The following DPP10 variants were observed in gnomAD, a reference collection of about 807,000 sequenced individuals.
DPP10 encodes inactive dipeptidyl peptidase 10.
Under a neutral mutation model 120.9 loss-of-function variants are expected in DPP10, and 33 were observed. The observed-to-expected ratio is 0.27, with a 90% confidence interval of 0.21 to 0.37. The LOEUF is 0.37. Ranked by LOEUF, DPP10 falls within the 10% of genes least tolerant of loss-of-function variation. The probability of loss-of-function intolerance (pLI) is 1.00; values close to 1 mark genes in which losing one functional copy is unlikely to be tolerated. For missense variants in DPP10, 816 were observed against 942.8 expected (o/e 0.87, Z 1.76); for synonymous variants, 337 against 326.1 (o/e 1.03, Z -0.36).
intron 3 of DPP10, among the ~76,000 whole-genome samples, chr2:115,481,770 A>G (rs1411225453): frequency 6.6e-6 from 1 of 152,052 alleles, no homozygotes; most frequent in African/African-American, 2.4e-5. Context: ...ACTATGTATC[A>G]TTATTTCATT....
intron 1 of DPP10, among the ~76,000 whole-genome samples, chr2:114,974,850 A>G (rs1258382460): frequency 2.0e-5 from 3 of 152,144 alleles, no homozygotes; most frequent in Admixed American, 2.0e-4. Context: ...TAAGTGATGC[A>G]TAACTGTAAA....
intron 1 of DPP10, among the ~76,000 whole-genome samples, chr2:114,445,590 A>C (rs985450795): frequency 6.8e-6 from 1 of 147,852 alleles, no homozygotes; most frequent in African/African-American, 2.5e-5. Context: ...GTTCTCCTCC[A>C]CTTGAAGTTC....
rs75558854 is a variant in DPP10 at position 115,199,425 on chromosome 2, T to C, written c.61-109814T>C. On this transcript the variant is annotated intron_variant, in intron 1 of 25. Coordinates refer to ENST00000410059, the MANE Select transcript of DPP10 (RefSeq NM_020868.6). ...GCTTTTAAGCACTCGGCATGAAATA[T>C]ATATTTCAAATAACTATTAAGTTGT... 1.4e-4 allele frequency among the ~76,000 whole-genome samples: 22 copies of C among 152,242 alleles called. No homozygotes were observed. In the East Asian group the frequency reaches 4.1e-3, roughly 28 times the overall value.
chr2:114,605,808 A>G (rs1230189734), intron 1 of DPP10, among the ~76,000 whole-genome samples: 1 of 152,176 alleles, frequency 6.6e-6, no homozygotes, highest in East Asian at 1.9e-4. Flanking sequence ...GTAGCAAGTA[A>G]GGAACAGACT....
intron 1 of DPP10, among the ~76,000 whole-genome samples, chr2:114,706,437 G>A (rs1018621716): frequency 2.6e-5 from 4 of 152,148 alleles, no homozygotes; most frequent in African/African-American, 9.7e-5. Context: ...GACTCTAAAG[G>A]AGAATATATT....
intron 1 of DPP10, among the ~76,000 whole-genome samples, chr2:114,680,647 A>G (rs556433658): frequency 6.6e-6 from 1 of 152,154 alleles, no homozygotes; most frequent in East Asian, 1.9e-4. Context: ...ATTCTTCATA[A>G]GTGTAAAGTA....
At chr2:115,274,885 T>C (rs1232497488) in intron 1 of DPP10, among the ~76,000 whole-genome samples, 2 of 152,132 alleles carry the variant, frequency 1.3e-5, no homozygotes, top group Non-Finnish European at 2.9e-5. Context: ...AGAACTAGCA[T>C]AGTGTGGTTT....
chr2:114,656,895 C>G (rs1242062101), intron 1 of DPP10, among the ~76,000 whole-genome samples: 1 of 151,798 alleles, frequency 6.6e-6, no homozygotes, highest in Admixed American at 6.6e-5. Flanking sequence ...CCTAAGTGGT[C>G]AAACCAAGTT....
chr2:114,761,823 G>A (rs1001251479), intron 1 of DPP10, among the ~76,000 whole-genome samples: 3 of 152,016 alleles, frequency 2.0e-5, no homozygotes, highest in African/African-American at 7.3e-5. Context: ...CCTCCTCCTA[G>A]GAATTCCAAA....
At chr2:115,508,612 A>T (rs553659449) in intron 4 of DPP10, among the ~76,000 whole-genome samples, 1 of 152,294 alleles carries the variant, frequency 6.6e-6, no homozygotes, top group Non-Finnish European at 1.5e-5. Flanking sequence ...TTTCCTAAAG[A>T]AATGAAGATG....
chr2:114,716,096 A>G (rs1370549874), intron 1 of DPP10, among the ~76,000 whole-genome samples: 2 of 152,058 alleles, frequency 1.3e-5, no homozygotes, highest in Non-Finnish European at 2.9e-5. Context: ...TTAGAAAATC[A>G]GTCAATCAGC....
rs2069470187 is a variant in DPP10 at position 115,416,743 on chromosome 2, T to A, written c.271+72831T>A. Reference sequence around the variant, plus strand: ...GACAAGCATTTCGCTGGTTCTGATCTCACAAGAGATAAACATAAGAAACCA... The same window carrying A: ...GACAAGCATTTCGCTGGTTCTGATCACACAAGAGATAAACATAAGAAACCA... On this transcript the variant is annotated intron_variant, in intron 3 of 25. Coordinates refer to ENST00000410059, the MANE Select transcript of DPP10 (RefSeq NM_020868.6). Among the ~76,000 whole-genome samples, 4 of 152,294 alleles carry A rather than the reference T, an allele frequency of 2.6e-5. No individual in the cohort carries two copies. In the South Asian group the frequency reaches 8.3e-4, roughly 32 times the overall value.
intron 1 of DPP10, among the ~76,000 whole-genome samples, chr2:114,521,983 AT>A (rs35338330): frequency 0.62 from 55,429 of 88,900 alleles, 14,801 homozygotes; most frequent in Middle Eastern, 0.72. Flanking sequence ...AATTTTTTGT[AT>A]TTTTTTTTTT....
intron 5 of DPP10, among the ~76,000 whole-genome samples, chr2:115,646,236 G>A (rs2087244966): frequency 6.6e-6 from 1 of 152,138 alleles, no homozygotes; most frequent in Admixed American, 6.6e-5. Context: ...ACCTGGCAGT[G>A]ATGGAGATCA....
intron 4 of DPP10, 134 bp downstream of exon 4, chr2:115,499,738 A>T (rs559609621): frequency 3.9e-6 from 2 of 518,960 alleles, no homozygotes; most frequent in East Asian, 6.6e-5. Flanking sequence ...CTGGAATATC[A>T]TAAGAATCAG....
intron 1 of DPP10, among the ~76,000 whole-genome samples, chr2:114,949,175 G>T (rs1235671338): frequency 6.6e-6 from 1 of 151,866 alleles, no homozygotes; most frequent in Non-Finnish European, 1.5e-5. Context: ...CACCCGCCTC[G>T]GCCTCCCAAA....
intron 1 of DPP10, among the ~76,000 whole-genome samples, chr2:114,790,277 C>T (rs996937440): frequency 1.1e-4 from 16 of 152,074 alleles, no homozygotes; most frequent in African/African-American, 3.9e-4. Flanking sequence ...ATAAATAGCA[C>T]AAAAAGGAAA....
intron 1 of DPP10, among the ~76,000 whole-genome samples, chr2:115,255,908 C>A (rs113169859): frequency 0.029 from 4,393 of 152,258 alleles, 210 homozygotes; most frequent in African/African-American, 0.099. Context: ...TCCAAAGTTT[C>A]CCACATTTTC....
intron 1 of DPP10, among the ~76,000 whole-genome samples, chr2:115,074,918 ATC>A (rs1271111042): frequency 6.6e-6 from 1 of 152,234 alleles, no homozygotes; most frequent in Non-Finnish European, 1.5e-5. Flanking sequence ...GATTAAATAA[ATC>A]TCTTATATGA....
Sources: allele counts gnomAD v4.1 joint callset (sites outside exome capture counted in the v4.1 genomes callset), GRCh38; gene constraint gnomAD v4.1.1; transcripts MANE v1.5; gene names NCBI Gene and HGNC (gene_info 2026-07-23, HGNC 2026-07-21).